Variants in ACTR3C observed in about 807,000 individuals in gnomAD.
The protein encoded by ACTR3C is actin-related protein 3C.
ACTR3C carries 18 observed loss-of-function variants against 26.3 expected under a neutral mutation model. That is an observed-to-expected ratio of 0.68 (90% CI 0.47 to 1.01). The LOEUF (loss-of-function observed/expected upper bound fraction) is 1.01. Ranked by LOEUF, ACTR3C falls within the 50% of genes least tolerant of loss-of-function variation. The pLI is 0.00. For synonymous variants in ACTR3C, 55 were observed against 94.5 expected, an observed-to-expected ratio of 0.58 and a Z score of 2.42; for missense variants, 184 against 250.7, an observed-to-expected ratio of 0.73 and a Z score of 1.80.
the ACTR3C span, among the ~76,000 whole-genome samples, chr7:150,035,295 C>T: frequency 5.9e-5 from 3 of 51,092 alleles, no homozygotes; most frequent in East Asian, 6.6e-4. Flanking sequence ...AGAGTGCCTC[C>T]CCCCCCTTGC....
At position 150,281,522 on chromosome 7, in the gene ACTR3C, A is replaced by C. The variant is rs183085936; in HGVS notation, c.564+3231T>G. Among the ~76,000 whole-genome samples the C allele has an allele frequency of 1.3e-5, 2 of 151,314 alleles. 1 individual carries two copies. The highest frequency in any genetic ancestry group is 1.3e-4 in the Admixed American group (2 of 15,196). On this transcript the variant is annotated intron_variant, in intron 6 of 7. Coordinates refer to ENST00000683684, the MANE Select transcript of ACTR3C (RefSeq NM_001164458.2). The stretch of plus-strand genomic sequence containing the variant: ...CCCACACAGCGAGAGTCCGTCTGGG[A>C]GGGCTGACGGCTTCCAGAAACCAAG...
chr7:149,995,997 G>T, the ACTR3C span, among the ~76,000 whole-genome samples: 1 of 151,988 alleles, frequency 6.6e-6, no homozygotes, highest in Non-Finnish European at 1.5e-5. Context: ...TCACCAGCAG[G>T]TCACACCTGT....
the ACTR3C span, chr7:150,004,994 T>C: frequency 2.6e-5 from 4 of 152,184 alleles, no homozygotes; most frequent in Admixed American, 6.5e-5. Context: ...TGATGCCAGG[T>C]TAGACGCCGA....
chr7:149,944,865 A>G, the ACTR3C span, among the ~76,000 whole-genome samples: 1 of 151,512 alleles, frequency 6.6e-6, no homozygotes, highest in African/African-American at 2.4e-5. Context: ...TTCTGTGGAG[A>G]ACCCCAGGCT....
In ACTR3C at chr7:150,297,618, G is replaced by A. The variant is rs1341762855; in HGVS notation, c.-51-2271C>T. 4.6e-5 allele frequency among the ~76,000 whole-genome samples: 7 copies of A among 152,328 alleles called. No individual in the cohort carries two copies. The East Asian group carries it at 7.7e-4, about 17-fold the overall frequency. On this transcript the variant is annotated intron_variant, in intron 1 of 7. Transcript: ENST00000683684. Reference sequence around the variant, plus strand: ...TGTAATCCCAGCACTTTGGGAGGCCGAGGCGGGCGGATCACCTGAGGTCAG... The same window carrying A: ...TGTAATCCCAGCACTTTGGGAGGCCAAGGCGGGCGGATCACCTGAGGTCAG...
At chr7:149,949,172 G>A in the ACTR3C span, among the ~76,000 whole-genome samples, 9 of 144,274 alleles carry the variant, frequency 6.2e-5, no homozygotes, top group Non-Finnish European at 1.2e-4. Context: ...ATATATATAG[G>A]TATGTGTTTG....
At chr7:150,292,500 A>ATTTTTT (rs571206179) in intron 3 of ACTR3C, among the ~76,000 whole-genome samples, 1 of 138,236 alleles carries the variant, frequency 7.2e-6, no homozygotes, top group African/African-American at 2.8e-5. Context: ...TGGCTTTTAA[A>ATTTTTT]TTTTTTTTTT....
At chr7:150,127,387 A>G in the ACTR3C span, among the ~76,000 whole-genome samples, 1 of 152,194 alleles carries the variant, frequency 6.6e-6, no homozygotes, top group African/African-American at 2.4e-5. Flanking sequence ...CACATAGTCC[A>G]TTTTAGATTA....
chr7:150,012,366 G>A, the ACTR3C span, among the ~76,000 whole-genome samples: 1 of 145,972 alleles, frequency 6.9e-6, no homozygotes. Flanking sequence ...CCAGGCTGGA[G>A]TGCAGTGGTG....
the ACTR3C span, among the ~76,000 whole-genome samples, chr7:150,176,703 A>G: frequency 1.3e-5 from 2 of 150,962 alleles, no homozygotes; most frequent in East Asian, 3.8e-4. Context: ...CCTAATGTTT[A>G]CTGAAGTTTT....
the ACTR3C span, among the ~76,000 whole-genome samples, chr7:150,116,595 G>A: frequency 1.3e-5 from 2 of 152,142 alleles, no homozygotes; most frequent in Non-Finnish European, 2.9e-5. Flanking sequence ...CAGACATAAG[G>A]AGAAATAGCT....
chr7:150,200,432 AT>A, the ACTR3C span, among the ~76,000 whole-genome samples: 3 of 151,974 alleles, frequency 2.0e-5, no homozygotes, highest in South Asian at 2.1e-4. Flanking sequence ...TTTAAAAATC[AT>A]TTTTTTTCAA....
the ACTR3C span, among the ~76,000 whole-genome samples, chr7:150,180,763 G>A: frequency 6.7e-6 from 1 of 148,900 alleles, no homozygotes; most frequent in Non-Finnish European, 1.5e-5. Context: ...GCCCGCCTCG[G>A]CCTCCAAAAG....
the ACTR3C span, among the ~76,000 whole-genome samples, chr7:149,965,914 G>T: frequency 3.3e-5 from 5 of 152,214 alleles, no homozygotes; most frequent in Admixed American, 6.5e-5. Context: ...GAGTAAAGGT[G>T]TGTGCCTGAG....
At chr7:150,215,415 C>T in the ACTR3C span, among the ~76,000 whole-genome samples, 16 of 152,088 alleles carry the variant, frequency 1.1e-4, no homozygotes, top group South Asian at 4.2e-4. Flanking sequence ...ATTCTAGGAG[C>T]GCAAATGGGT....
the ACTR3C span, among the ~76,000 whole-genome samples, chr7:150,054,153 C>T: frequency 3.3e-5 from 5 of 152,306 alleles, no homozygotes; most frequent in East Asian, 1.9e-4. Context: ...CATAATATAG[C>T]GGAGCATGTG....
chr7:150,244,579 T>C (rs1832368407), downstream of ACTR3C: 1 of 152,092 alleles, frequency 6.6e-6, no homozygotes, highest in Non-Finnish European at 1.5e-5. Flanking sequence ...TAAAAGGATA[T>C]GGAAGGTGCA....
the ACTR3C span, among the ~76,000 whole-genome samples, chr7:150,156,539 T>G: frequency 6.7e-6 from 1 of 148,544 alleles, no homozygotes; most frequent in Non-Finnish European, 1.5e-5. Context: ...TGGTGCTTAT[T>G]GAGAGAGAGA....
chr7:150,120,421 A>C, the ACTR3C span, among the ~76,000 whole-genome samples: 1 of 152,258 alleles, frequency 6.6e-6, no homozygotes, highest in South Asian at 2.1e-4. Flanking sequence ...GATCCCACAC[A>C]AAATACACAC....
Sources: gnomAD v4.1 joint callset for allele counts (sites outside exome capture counted in the v4.1 genomes callset) on GRCh38, gnomAD v4.1.1 for gene constraint, MANE v1.5 for transcripts, NCBI Gene and HGNC (gene_info 2026-07-23, HGNC 2026-07-21) for gene names.